The following CSTPP1 variants were observed in gnomAD, a reference collection of about 807,000 sequenced individuals.
CSTPP1 encodes the protein UPF0705 protein C11orf49.
chr11:47,018,901 A>G, the CSTPP1 span, among the ~76,000 whole-genome samples: 2 of 152,016 alleles, frequency 1.3e-5, no homozygotes, highest in Admixed American at 6.6e-5. Context: ...GAGTTTTGAG[A>G]GTTGTTTATA....
the CSTPP1 span, among the ~76,000 whole-genome samples, chr11:47,144,688 T>C: frequency 6.6e-6 from 1 of 152,136 alleles, no homozygotes; most frequent in East Asian, 1.9e-4. Context: ...TCTGGCCTCC[T>C]CCCAGCTGGG....
the CSTPP1 span, among the ~76,000 whole-genome samples, chr11:47,029,051 C>T: frequency 1.3e-5 from 2 of 151,542 alleles, no homozygotes; most frequent in Non-Finnish European, 2.9e-5. Flanking sequence ...CACTATGTTG[C>T]CCAAGCTGAT....
the CSTPP1 span, among the ~76,000 whole-genome samples, chr11:46,946,441 G>C: frequency 5.8e-4 from 89 of 152,304 alleles, no homozygotes; most frequent in Non-Finnish European, 1.2e-3. Context: ...GGTGGATCAC[G>C]AGGTCAGGAG....
At chr11:46,990,768 C>T in the CSTPP1 span, among the ~76,000 whole-genome samples, 1 of 152,118 alleles carries the variant, frequency 6.6e-6, no homozygotes, top group African/African-American at 2.4e-5. Context: ...TGAGATCTTA[C>T]ATTTAAATCT....
At chr11:47,097,098 G>A in the CSTPP1 span, among the ~76,000 whole-genome samples, 1 of 143,686 alleles carries the variant, frequency 7.0e-6, no homozygotes, top group African/African-American at 2.5e-5. Flanking sequence ...CGGGAGGGAG[G>A]TAGGGGGGTC....
chr11:46,969,514 A>T, the CSTPP1 span, among the ~76,000 whole-genome samples: 1 of 152,330 alleles, frequency 6.6e-6, no homozygotes, highest in South Asian at 2.1e-4. Flanking sequence ...GCACAGAAAC[A>T]AGGGAAGTGT....
the CSTPP1 span, among the ~76,000 whole-genome samples, chr11:47,009,871 T>C: frequency 5.9e-5 from 9 of 152,180 alleles, no homozygotes; most frequent in African/African-American, 2.2e-4. Flanking sequence ...TCATAAATGC[T>C]GAGAAACTCA....
chr11:47,152,516 C>T, the CSTPP1 span, among the ~76,000 whole-genome samples: 25 of 152,122 alleles, frequency 1.6e-4, no homozygotes, highest in Non-Finnish European at 5.9e-5. Flanking sequence ...TTAAGGCTTC[C>T]GCGAGGCTGC....
the CSTPP1 span, chr11:47,159,780 G>A: frequency 4.9e-5 from 22 of 449,132 alleles, no homozygotes; most frequent in South Asian, 9.4e-5. Context: ...CCGAGGCGGC[G>A]GATCACCTGA....
the CSTPP1 span, among the ~76,000 whole-genome samples, chr11:47,147,819 C>T: frequency 6.6e-6 from 1 of 152,208 alleles, no homozygotes; most frequent in Non-Finnish European, 1.5e-5. Flanking sequence ...AAGATACTCA[C>T]TGAACTGACC....
At chr11:47,052,558 CCTTCCTTT>C in the CSTPP1 span, 13 of 1,601,352 alleles carry the variant, frequency 8.1e-6, no homozygotes, top group African/African-American at 1.3e-5. Context: ...TTCCTTCCTT[CCTTCCTTT>C]CTTCCTTCCT....
At chr11:46,993,439 G>C in the CSTPP1 span, among the ~76,000 whole-genome samples, 2 of 149,876 alleles carry the variant, frequency 1.3e-5, no homozygotes, top group African/African-American at 4.9e-5. Context: ...AATTCATCTT[G>C]AATTAATTTT....
At chr11:47,072,305 A>G in the CSTPP1 span, among the ~76,000 whole-genome samples, 134 of 152,320 alleles carry the variant, frequency 8.8e-4, 2 homozygotes, top group South Asian at 0.017. Flanking sequence ...ACCAGAAGGA[A>G]CTTAGTAGGT....
the CSTPP1 span, among the ~76,000 whole-genome samples, chr11:47,098,171 G>T: frequency 8.1e-6 from 1 of 124,140 alleles, no homozygotes; most frequent in Non-Finnish European, 1.7e-5. Context: ...AAACACTGCG[G>T]AAGGCCGCAG....
the CSTPP1 span, among the ~76,000 whole-genome samples, chr11:46,964,060 C>T: frequency 6.6e-6 from 1 of 151,976 alleles, no homozygotes; most frequent in Non-Finnish European, 1.5e-5. Flanking sequence ...TATCTGGTCT[C>T]GTTACCTTCA....
At chr11:46,941,303 T>G in the CSTPP1 span, among the ~76,000 whole-genome samples, 1 of 152,236 alleles carries the variant, frequency 6.6e-6, no homozygotes, top group East Asian at 1.9e-4. Flanking sequence ...TTTGTCTCTC[T>G]TAGAGGCATG....
chr11:47,157,780 C>G, the CSTPP1 span: 3 of 1,598,658 alleles, frequency 1.9e-6, no homozygotes, highest in Non-Finnish European at 2.6e-6. Flanking sequence ...CTGAGGCTGG[C>G]TAGGCTCTGA....
At chr11:47,033,830 A>C in the CSTPP1 span, among the ~76,000 whole-genome samples, 1 of 152,140 alleles carries the variant, frequency 6.6e-6, no homozygotes, top group Admixed American at 6.6e-5. Context: ...AAAGGTCCTT[A>C]TAACCCCCTG....
chr11:47,026,830 A>G, the CSTPP1 span, among the ~76,000 whole-genome samples: 1 of 152,176 alleles, frequency 6.6e-6, no homozygotes, highest in African/African-American at 2.4e-5. Flanking sequence ...ATAAGTTGAG[A>G]TCGCAGCACC....
Sources: gnomAD v4.1 joint callset for allele counts (sites outside exome capture counted in the v4.1 genomes callset) on GRCh38, gnomAD v4.1.1 for gene constraint, MANE v1.5 for transcripts, NCBI Gene and HGNC (gene_info 2026-07-23, HGNC 2026-07-21) for gene names.